DYNC2I2: variants seen among roughly 807,000 people sequenced by gnomAD.
The protein encoded by DYNC2I2 is cytoplasmic dynein 2 intermediate chain 2.
DYNC2I2 carries 39 observed loss-of-function variants against 52.0 expected under a neutral mutation model. The ratio of observed to expected loss-of-function variants is 0.75; its 90% confidence interval spans 0.58 to 0.98. The LOEUF (loss-of-function observed/expected upper bound fraction) is 0.98, where lower values mean the gene tolerates loss of function less well. DYNC2I2 is among the 50% of genes least tolerant of loss of function. The pLI is 0.00. For missense variants in DYNC2I2, 743 were observed against 728.4 expected (o/e 1.02, Z -0.23); for synonymous variants, 359 against 321.1 (o/e 1.12, Z -1.26).
chr9:128,662,536 G>A, the DYNC2I2 span, among the ~76,000 whole-genome samples: 3 of 150,926 alleles, frequency 2.0e-5, no homozygotes, highest in Non-Finnish European at 3.0e-5. Flanking sequence ...TCAGCCTCCC[G>A]AGTAGCTGGG....
At chr9:128,680,156 G>A in the DYNC2I2 span, among the ~76,000 whole-genome samples, 1 of 152,096 alleles carries the variant, frequency 6.6e-6, no homozygotes, top group African/African-American at 2.4e-5. Context: ...TGCCTCCCGG[G>A]TTCAAGCGAT....
upstream of DYNC2I2, among the ~76,000 whole-genome samples, chr9:128,661,236 G>A (rs1466820082): frequency 6.7e-6 from 1 of 148,682 alleles, no homozygotes; most frequent in Non-Finnish European, 1.5e-5. Flanking sequence ...CAGCTACTCC[G>A]GAGACCGAGG....
At chr9:128,676,538 T>TA in the DYNC2I2 span, among the ~76,000 whole-genome samples, 5 of 151,754 alleles carry the variant, frequency 3.3e-5, no homozygotes, top group Non-Finnish European at 7.4e-5. Context: ...TTGAATTTTT[T>TA]TTTTTTTTTT....
intron 1 of DYNC2I2, among the ~76,000 whole-genome samples, chr9:128,648,479 C>T (rs1378572724): frequency 6.6e-6 from 1 of 151,622 alleles, no homozygotes; most frequent in African/African-American, 2.4e-5. Flanking sequence ...AAGCCAGGCC[C>T]CGCCAAGCCA....
At position 128,654,521 on chromosome 9, in the gene DYNC2I2, TCAAA is replaced by T. The variant is rs912328507; in HGVS notation, c.186+2016_186+2019del. Among the ~76,000 whole-genome samples, 19 of 149,946 alleles carry T rather than the reference TCAAA, an allele frequency of 1.3e-4. No individual in the cohort carries two copies. The Middle Eastern group carries it at 0.01, about 81-fold the overall frequency. Reference sequence around the variant, plus strand: ...CTCCTCTCCAGCCCCACCTGCCTCCTCAAACAGACAGATTTGCCCTAGGGCCTTT... The same window carrying T: ...CTCCTCTCCAGCCCCACCTGCCTCCTCAGACAGATTTGCCCTAGGGCCTTT... On this transcript the variant is annotated intron_variant, in intron 1 of 8. Transcript: ENST00000372715.
the DYNC2I2 span, among the ~76,000 whole-genome samples, chr9:128,666,069 C>T: frequency 7.7e-4 from 117 of 151,048 alleles, no homozygotes; most frequent in African/African-American, 2.7e-3. Context: ...AGCAAGACTC[C>T]GTCTCAAAAA....
rs1472782120 is a variant in DYNC2I2, at chr9:128,650,638, G to A, written c.186+5903C>T. ...GGTCTTCAACTCCCAGTCGACCTCA[G>A]TTGATCTGCAAGGCTCAGCCTCCCA... On this transcript the variant is annotated intron_variant, in intron 1 of 8. Transcript: ENST00000372715. 5.7e-5 allele frequency among the ~76,000 whole-genome samples: 3 copies of A among 52,514 alleles called. 1 individual carries two copies. The highest frequency in any genetic ancestry group is 1.2e-4 in the African/African-American group (3 of 25,624). 34.5% of individuals were successfully genotyped at this position (52,514 alleles called of 152,430 possible). A position where few individuals can be genotyped will look rare whatever the true frequency, so the allele number is the denominator to read the frequency against.
At chr9:128,656,185 G>A (rs1280328472) in intron 1 of DYNC2I2, among the ~76,000 whole-genome samples, 1 of 151,534 alleles carries the variant, frequency 6.6e-6, no homozygotes, top group African/African-American at 2.4e-5. Context: ...ACTCCAGCCT[G>A]GGCGACAGAG....
Position 128,640,607 on chromosome 9 carries a change from G to A in DYNC2I2, c.435+84C>T, listed in dbSNP as rs557254970. The A allele has an allele frequency of 1.0e-5, 16 of 1,546,440 alleles. No homozygotes were observed. In the African/African-American group the frequency reaches 1.1e-4, roughly 10 times the overall value. The stretch of plus-strand genomic sequence containing the variant: ...TGCTGGCCGTGATGATGACTGGCAC[G>A]GCTGTTATTTGTGGGAAGGAAAACA... On this transcript the variant is annotated intron_variant, in intron 2 of 8. Coordinates refer to ENST00000372715, the MANE Select transcript of DYNC2I2 (RefSeq NM_052844.4).
chr9:128,642,114 A>G (rs561805113), intron 1 of DYNC2I2, among the ~76,000 whole-genome samples: 1 of 148,348 alleles, frequency 6.7e-6, no homozygotes, highest in African/African-American at 2.5e-5. Flanking sequence ...GGTGAAACCC[A>G]ATCTGTACTA....
At chr9:128,641,324 A>G (rs1306763715) in intron 1 of DYNC2I2, among the ~76,000 whole-genome samples, 1 of 152,040 alleles carries the variant, frequency 6.6e-6, no homozygotes, top group African/African-American at 2.4e-5. Flanking sequence ...TGGCAGACAC[A>G]TGGTCTGATG....
At chr9:128,644,460 G>A (rs4397511) in intron 1 of DYNC2I2, among the ~76,000 whole-genome samples, 131,553 of 151,950 alleles carry the variant, frequency 0.87, 57,631 homozygotes, top group Non-Finnish European at 0.95. Context: ...GAATTTTTTC[G>A]TAGAGACAGG....
At chr9:128,635,603 C>CA in intron 5 of DYNC2I2, 55 bp downstream of exon 5, 1 of 1,494,810 alleles carries the variant, frequency 6.7e-7, no homozygotes, top group Non-Finnish European at 9.1e-7. Flanking sequence ...AGAGTGGGCG[C>CA]CCTCTCCCCA....
At chr9:128,656,857 A>T, upstream of DYNC2I2, 2 of 927,490 alleles carry the variant, frequency 2.2e-6, no homozygotes, top group Non-Finnish European at 1.5e-6. Context: ...CTCCTGCAAG[A>T]CCTGGAAGAA....
At chr9:128,638,774 C>T (rs1446087670) in intron 2 of DYNC2I2, among the ~76,000 whole-genome samples, 1 of 152,104 alleles carries the variant, frequency 6.6e-6, no homozygotes, top group Admixed American at 6.6e-5. Flanking sequence ...TCACTATAGC[C>T]AAAAAGGGGA....
chr9:128,678,946 G>A, the DYNC2I2 span, among the ~76,000 whole-genome samples: 1,110 of 152,190 alleles, frequency 7.3e-3, 11 homozygotes, highest in African/African-American at 0.021. Flanking sequence ...GTGGGCGCCT[G>A]TAGTCCCAGC....
rs560531805 is a variant in DYNC2I2, at chr9:128,656,769, C to T, written c.-43G>A. On this transcript the variant is annotated 5_prime_UTR_variant, in exon 1 of 9. Coordinates refer to ENST00000372715, the MANE Select transcript of DYNC2I2 (RefSeq NM_052844.4). Reference sequence around the variant, plus strand: ...CTCGTGCGGACGCACTCAGGCGCGACCTCCGCCCCTACGCCGCCATGAGCG... The same window carrying T: ...CTCGTGCGGACGCACTCAGGCGCGATCTCCGCCCCTACGCCGCCATGAGCG... 8.6e-5 allele frequency: 113 copies of T among 1,314,614 alleles called. No homozygotes were observed. The highest frequency in any genetic ancestry group is 3.3e-4 in the Admixed American group (8 of 24,338). 81.4% of individuals were successfully genotyped at this position (1,314,614 alleles called of 1,614,324 possible). A position where few individuals can be genotyped will look rare whatever the true frequency, so the allele number is the denominator to read the frequency against.
At chr9:128,652,991 G>C (rs1314770131) in intron 1 of DYNC2I2, among the ~76,000 whole-genome samples, 1 of 150,362 alleles carries the variant, frequency 6.7e-6, no homozygotes, top group East Asian at 2.0e-4. Flanking sequence ...CAGTTTGGGA[G>C]GCTGAGGCGG....
At chr9:128,635,856 C>A in intron 4 of DYNC2I2, 89 bp from the exon 5 acceptor site, 1 of 1,195,432 alleles carries the variant, frequency 8.4e-7, no homozygotes, top group Non-Finnish European at 1.2e-6. Flanking sequence ...ACCTACAGGG[C>A]CAGGGCCAGG....
Sources: gnomAD v4.1 joint callset for allele counts (sites outside exome capture counted in the v4.1 genomes callset) on GRCh38, gnomAD v4.1.1 for gene constraint, MANE v1.5 for transcripts, NCBI Gene and HGNC (gene_info 2026-07-23, HGNC 2026-07-21) for gene names.